GALNT2: variants seen among roughly 807,000 people sequenced by gnomAD.
GALNT2 encodes the protein UDP-GalNAc:polypeptide N-acetylgalactosaminyltransferase 2.
In GALNT2, 31 loss-of-function variants were observed where a neutral mutation model predicts 81.4. That is an observed-to-expected ratio of 0.38 (90% CI 0.29 to 0.51). The LOEUF (loss-of-function observed/expected upper bound fraction) is 0.51. Among genes scored for constraint, GALNT2 ranks in the 20% least tolerant of loss-of-function variants. The probability of loss-of-function intolerance (pLI) is 0.87; values close to 1 mark genes in which losing one functional copy is unlikely to be tolerated. For missense variants in GALNT2, 629 were observed against 765.7 expected, an observed-to-expected ratio of 0.82 and a Z score of 2.11; for synonymous variants, 303 against 287.4, an observed-to-expected ratio of 1.05 and a Z score of -0.55.
upstream of GALNT2, among the ~76,000 whole-genome samples, chr1:230,063,649 A>C (rs1659100280): frequency 6.6e-6 from 1 of 152,194 alleles, no homozygotes; most frequent in East Asian, 1.9e-4. Context: ...TCTATCATAC[A>C]TCGCTTATTC....
intron 1 of GALNT2, among the ~76,000 whole-genome samples, chr1:230,083,405 G>GCGGGATGATGGAGCGGGGAGC (rs1659806219): frequency 6.9e-5 from 10 of 145,758 alleles, no homozygotes; most frequent in Admixed American, 6.1e-4. Context: ...GGAGCAGGGA[G>GCGGGATGATGGAGCGGGGAGC]CGGGATGATG....
intron 1 of GALNT2, among the ~76,000 whole-genome samples, chr1:230,123,958 T>C (rs1661098839): frequency 6.6e-6 from 1 of 152,208 alleles, no homozygotes; most frequent in Non-Finnish European, 1.5e-5. Context: ...TTCTTAGTCA[T>C]TCTGTTTATT....
intron 1 of GALNT2, among the ~76,000 whole-genome samples, chr1:230,151,272 C>T (rs150425092): frequency 4.5e-4 from 69 of 152,310 alleles, no homozygotes; most frequent in Non-Finnish European, 8.2e-4. Context: ...CCCAGTAGAA[C>T]GCACTGTTGT....
At position 230,082,303 on chromosome 1, in the gene GALNT2, A is replaced by G. The variant is rs114687398; in HGVS notation, c.126+14897A>G. On this transcript the variant is annotated intron_variant, in intron 1 of 15. Coordinates refer to ENST00000366672, the MANE Select transcript of GALNT2 (RefSeq NM_004481.5). The stretch of plus-strand genomic sequence containing the variant: ...ATTTTTAAGGTTCTCTAATCGGTCA[A>G]AGTGCTGTGTAAGTTTCCAGGGGCA... Among the ~76,000 whole-genome samples the G allele has an allele frequency of 1.8e-3, 281 of 152,364 alleles. 1 individual carries two copies. In the Middle Eastern group the frequency reaches 0.024, roughly 13 times the overall value.
chr1:230,266,703 A>G (rs754242321), intron 14 of GALNT2, among the ~76,000 whole-genome samples: 1 of 152,224 alleles, frequency 6.6e-6, no homozygotes, highest in Non-Finnish European at 1.5e-5. Flanking sequence ...TGACTGGGCC[A>G]GTCCCCATCC....
chr1:230,163,755 G>A (rs151146025), intron 1 of GALNT2, among the ~76,000 whole-genome samples: 6 of 152,338 alleles, frequency 3.9e-5, no homozygotes, highest in Non-Finnish European at 4.4e-5. Flanking sequence ...TAAAATTACT[G>A]TTTTCTGAAG....
chr1:230,141,847 C>G (rs548288747), intron 1 of GALNT2, among the ~76,000 whole-genome samples: 1 of 130,394 alleles, frequency 7.7e-6, no homozygotes, highest in Non-Finnish European at 1.5e-5. Context: ...GGCTGAAGTG[C>G]GTGCCACAAT....
chr1:230,128,683 A>T (rs955169409), intron 1 of GALNT2, among the ~76,000 whole-genome samples: 1 of 151,948 alleles, frequency 6.6e-6, no homozygotes, highest in African/African-American at 2.4e-5. Flanking sequence ...GTCTCTCCTG[A>T]GTGTCACAAG....
chr1:230,279,289 C>G lies in GALNT2; in HGVS notation c.1561-14C>G, dbSNP rs184456186. ...TTGTGCCCACACTCTAAGGCACTCT[C>G]CTGTGTCTTGCAGAAATGGGAACAG... On this transcript the variant is annotated splice_polypyrimidine_tract_variant and intron_variant, in intron 15 of 15. Coordinates refer to ENST00000366672, the MANE Select transcript of GALNT2 (RefSeq NM_004481.5). The surrounding 1 kb of genome is among the most constrained non-coding windows in gnomAD (Gnocchi z 4.6). The G allele has an allele frequency of 6.2e-7, 1 of 1,612,628 alleles. No homozygotes were observed. The highest frequency in any genetic ancestry group is 1.3e-5 in the African/African-American group (1 of 75,032).
intron 1 of GALNT2, among the ~76,000 whole-genome samples, chr1:230,130,153 ATC>A: frequency 6.6e-6 from 1 of 152,146 alleles, no homozygotes; most frequent in Non-Finnish European, 1.5e-5. Context: ...GCACATGAAA[ATC>A]TCTCTGCTAT....
intron 6 of GALNT2, 101 bp downstream of exon 6, chr1:230,236,826 C>A: frequency 1.7e-6 from 2 of 1,198,644 alleles, no homozygotes; most frequent in Non-Finnish European, 2.3e-6. Context: ...AATTGTCTAG[C>A]TTTTTTCTGT....
intron 14 of GALNT2, among the ~76,000 whole-genome samples, chr1:230,272,046 C>T (rs950993634): frequency 8.5e-5 from 13 of 152,154 alleles, no homozygotes; most frequent in African/African-American, 2.2e-4. Flanking sequence ...TGTTGGGAAC[C>T]GGGGTCAAAG....
intron 1 of GALNT2, among the ~76,000 whole-genome samples, chr1:230,142,394 A>G (rs1661774365): frequency 6.6e-6 from 1 of 152,144 alleles, no homozygotes; most frequent in South Asian, 2.1e-4. Context: ...TGTGCCCCCC[A>G]TGCTCAGAGG....
At chr1:230,146,470 C>G (rs895852249) in intron 1 of GALNT2, among the ~76,000 whole-genome samples, 1 of 151,668 alleles carries the variant, frequency 6.6e-6, no homozygotes, top group Non-Finnish European at 1.5e-5. Context: ...CTGCCTGCCT[C>G]CCTTCCTGAC....
upstream of GALNT2, among the ~76,000 whole-genome samples, chr1:230,062,563 A>G (rs568540914): frequency 6.6e-6 from 1 of 152,176 alleles, no homozygotes; most frequent in Non-Finnish European, 1.5e-5. Context: ...TTTTGCCTCT[A>G]TGATTTTGGT....
intron 10 of GALNT2, among the ~76,000 whole-genome samples, chr1:230,252,440 C>T (rs1255219765): frequency 6.6e-6 from 1 of 152,152 alleles, no homozygotes; most frequent in East Asian, 1.9e-4. Flanking sequence ...TCCTTGGGGG[C>T]ATCATCTGTG....
At chr1:230,158,431 G>A (rs1475378589) in intron 1 of GALNT2, among the ~76,000 whole-genome samples, 1 of 152,184 alleles carries the variant, frequency 6.6e-6, no homozygotes. Flanking sequence ...CTTTTATTTT[G>A]GAAAAAAGCT....
In GALNT2 at chr1:230,083,174, G is replaced by A. The variant is rs117774185; in HGVS notation, c.126+15768G>A. Among the ~76,000 whole-genome samples the A allele has an allele frequency of 3.1e-3, 454 of 146,106 alleles. 3 individuals carry two copies. The highest frequency in any genetic ancestry group is 0.024 in the East Asian group (115 of 4,702). On this transcript the variant is annotated intron_variant, in intron 1 of 15. Transcript: ENST00000366672. ...GGCAGCTGGGATGACAGAGTGGGGA[G>A]CAGGATGATGGAGCAGGGAGCCAGG... is the stretch of plus-strand genomic sequence containing the variant.
At chr1:230,175,360 G>T (rs369960733) in intron 1 of GALNT2, among the ~76,000 whole-genome samples, 1 of 152,080 alleles carries the variant, frequency 6.6e-6, no homozygotes, top group African/African-American at 2.4e-5. Flanking sequence ...AGCTCCCCAG[G>T]GTGTGGATCC....
Sources: gnomAD v4.1 joint callset for allele counts (sites outside exome capture counted in the v4.1 genomes callset) on GRCh38, gnomAD v4.1.1 for gene constraint, Gnocchi (gnomAD v3.1) non-coding constraint, MANE v1.5 for transcripts, NCBI Gene and HGNC (gene_info 2026-07-23, HGNC 2026-07-21) for gene names.